The following CCPG1 variants were observed in gnomAD, a reference collection of about 807,000 sequenced individuals.
CCPG1 encodes cell cycle progression protein 1.
Under a neutral mutation model 81.3 loss-of-function variants are expected in CCPG1, and 46 were observed. The observed-to-expected ratio is 0.57, with a 90% CI of 0.45 to 0.72. The LOEUF (loss-of-function observed/expected upper bound fraction) is 0.72, where lower values mean the gene tolerates loss of function less well. CCPG1 is among the 30% of genes least tolerant of loss of function. The probability of loss-of-function intolerance (pLI) is 0.00; values close to 1 mark genes in which losing one functional copy is unlikely to be tolerated. For synonymous variants in CCPG1, 330 were observed against 305.2 expected (o/e 1.08, Z -0.85); for missense variants, 902 against 937.6 (o/e 0.96, Z 0.50).
Position 55,356,222 on chromosome 15 carries a change from A to C in CCPG1, c.2422T>G (p.Ter808GlyextTer7). ...GTCTAATTTAACTCAATTGTGAATC[A>C]GTATTGAGGATCAAAAGGTAATTGC... ...LGQLPFDPQY[*>G] is the part of the protein sequence containing the mutation. Residue 808 changes from the stop codon to glycine, a stop_lost, in exon 9 of 9, where the codon TGA (stop) becomes GGA (glycine). Coordinates refer to ENST00000442196, the MANE Select transcript of CCPG1 (RefSeq NM_001204450.2). 6.5e-7 allele frequency: 1 copy of C among 1,527,854 alleles called. No individual in the cohort carries two copies. Among genetic ancestry groups the C allele is most frequent in the East Asian group, 2.5e-5 (1 of 40,690 alleles). The allele number at this position is 1,527,854 out of a possible 1,614,324, so 94.6% of individuals were successfully genotyped here.
chr15:55,363,705 T>C (rs2056254876), intron 7 of CCPG1, among the ~76,000 whole-genome samples: 2 of 149,624 alleles, frequency 1.3e-5, no homozygotes, highest in South Asian at 4.4e-4. Context: ...TTTCAAGAAA[T>C]ATAACCTGTA....
chr15:55,401,527 C>T (rs2057128529), intron 1 of CCPG1, among the ~76,000 whole-genome samples: 1 of 152,080 alleles, frequency 6.6e-6, no homozygotes, highest in African/African-American at 2.4e-5. Context: ...ATTAGCCAGG[C>T]ATGGTGGCCC....
intron 5 of CCPG1, among the ~76,000 whole-genome samples, chr15:55,374,557 G>T (rs2141275702): frequency 6.6e-6 from 1 of 152,188 alleles, no homozygotes; most frequent in East Asian, 1.9e-4. Context: ...TAAGGATGAA[G>T]AAAGGGAAAG....
chr15:55,379,571 C>T (rs141139391), intron 3 of CCPG1, among the ~76,000 whole-genome samples: 1,693 of 152,116 alleles, frequency 0.011, 13 homozygotes, highest in South Asian at 0.015. Flanking sequence ...GTGGCTCATG[C>T]TTGTAATCCC....
intron 2 of CCPG1, 146 bp downstream of exon 2, chr15:55,389,219 G>C (rs1279981362): frequency 1.6e-6 from 1 of 620,748 alleles, no homozygotes; most frequent in Non-Finnish European, 2.9e-6. Flanking sequence ...AGCGTTTTCA[G>C]CAGTGAAGTT....
At chr15:55,402,497 G>C (rs1016245793) in intron 1 of CCPG1, among the ~76,000 whole-genome samples, 1 of 152,132 alleles carries the variant, frequency 6.6e-6, no homozygotes, top group Non-Finnish European at 1.5e-5. Flanking sequence ...CCAAAGTGCT[G>C]GGATTACAGG....
chr15:55,375,236 T>C (rs1390759030), intron 5 of CCPG1, among the ~76,000 whole-genome samples: 1 of 152,162 alleles, frequency 6.6e-6, no homozygotes, highest in African/African-American at 2.4e-5. Context: ...GAGATGGTGC[T>C]GGGATTACAG....
At chr15:55,385,135 GT>G (rs2141301998) in intron 3 of CCPG1, among the ~76,000 whole-genome samples, 1 of 152,232 alleles carries the variant, frequency 6.6e-6, no homozygotes, top group African/African-American at 2.4e-5. Flanking sequence ...TCTGGGTTCT[GT>G]GGGCCTTCAC....
chr15:55,368,556 A>T (rs2056379801), intron 6 of CCPG1, among the ~76,000 whole-genome samples: 1 of 152,180 alleles, frequency 6.6e-6, no homozygotes, highest in Admixed American at 6.5e-5. Context: ...GAGAAAACCA[A>T]ATCAATTGAA....
chr15:55,386,687 G>A lies in CCPG1; in HGVS notation c.61-973C>T, dbSNP rs190575402. Among the ~76,000 whole-genome samples, 1,106 of 152,154 alleles carry A rather than the reference G, an allele frequency of 7.3e-3. 6 individuals are homozygous for A. The highest frequency in any genetic ancestry group is 0.011 in the Non-Finnish European group (719 of 68,004). On this transcript the variant is annotated intron_variant, in intron 2 of 8. Coordinates refer to ENST00000442196, the MANE Select transcript of CCPG1 (RefSeq NM_001204450.2). ...AGGCGGGCGGATCACGAGGTCAGGA[G>A]ATCGAGACCATCCTGGCTAACACGG... is the stretch of plus-strand genomic sequence containing the variant.
At chr15:55,403,741 T>C (rs1402754360) in intron 1 of CCPG1, among the ~76,000 whole-genome samples, 1 of 152,212 alleles carries the variant, frequency 6.6e-6, no homozygotes, top group Non-Finnish European at 1.5e-5. Context: ...AATGTAATCC[T>C]TTATCACTTA....
At chr15:55,389,804 G>C (rs1395792238) in intron 1 of CCPG1, among the ~76,000 whole-genome samples, 1 of 152,224 alleles carries the variant, frequency 6.6e-6, no homozygotes, top group African/African-American at 2.4e-5. Flanking sequence ...GAACAGTAAG[G>C]TGTGAAAAAC....
intron 1 of CCPG1, among the ~76,000 whole-genome samples, chr15:55,389,942 T>G (rs1566979466): frequency 6.6e-6 from 1 of 152,258 alleles, no homozygotes; most frequent in Non-Finnish European, 1.5e-5. Context: ...GAAACTGTTT[T>G]GAGACGGAGT....
At chr15:55,358,418 G>A in intron 8 of CCPG1, 6 of 985,406 alleles carry the variant, frequency 6.1e-6, no homozygotes, top group Non-Finnish European at 7.2e-6. Context: ...AAATTCTTCA[G>A]AAGTTCTCCA....
chr15:55,355,651 G>C lies in CCPG1; in HGVS notation c.*569C>G, dbSNP rs2056064111. 2.7e-6 allele frequency: 1 copy of C among 367,430 alleles called. No homozygotes were observed. The highest frequency in any genetic ancestry group is 4.8e-6 in the Non-Finnish European group (1 of 207,902). The allele number at this position is 367,430 out of a possible 1,614,324, so 22.8% of individuals were successfully genotyped here. A position where few individuals can be genotyped will look rare whatever the true frequency, so the allele number is the denominator to read the frequency against. On this transcript the variant is annotated 3_prime_UTR_variant, in exon 9 of 9. Coordinates refer to ENST00000442196, the MANE Select transcript of CCPG1 (RefSeq NM_001204450.2). ...ATAAAGACCTTTAGTTTTCCTCATG[G>C]TGTAGTTTTATTGTTTCTTCCACGA...
chr15:55,404,689 T>C (rs187753894), intron 1 of CCPG1, among the ~76,000 whole-genome samples: 2 of 152,302 alleles, frequency 1.3e-5, no homozygotes, highest in East Asian at 3.9e-4. Context: ...TCCAGCACTC[T>C]GGGAGGCTAA....
In CCPG1 at chr15:55,355,375, CAT is replaced by C. The variant is rs769773951; in HGVS notation, c.*843_*844del. 2 of 1,611,352 alleles carry C rather than the reference CAT, an allele frequency of 1.2e-6. No homozygotes were observed. The highest frequency in any genetic ancestry group is 1.3e-5 in the African/African-American group (1 of 74,932). ...TGCCAGAGGGTCGAATTGGAAGTCACATATATGTCTATGAACGGAAGTTAAAA... is the reference window on the plus strand; with the variant it reads ...TGCCAGAGGGTCGAATTGGAAGTCACATATGTCTATGAACGGAAGTTAAAA... On this transcript the variant is annotated 3_prime_UTR_variant, in exon 9 of 9. Transcript: ENST00000442196.
In CCPG1 at chr15:55,355,424, A is replaced by G; in HGVS notation, c.*796T>C. 6.2e-7 allele frequency: 1 copy of G among 1,606,772 alleles called. No individual in the cohort carries two copies. The highest frequency in any genetic ancestry group is 8.5e-7 in the Non-Finnish European group (1 of 1,177,256). The stretch of plus-strand genomic sequence containing the variant: ...AAAAGGGAAATTCAACATGAAGATG[A>G]AATTCTGAACTTTCCTAGATAAATT... On this transcript the variant is annotated 3_prime_UTR_variant, in exon 9 of 9. Transcript: ENST00000442196.
chr15:55,368,717 G>C (rs1355087136), intron 6 of CCPG1, among the ~76,000 whole-genome samples: 2 of 152,228 alleles, frequency 1.3e-5, no homozygotes, highest in Non-Finnish European at 2.9e-5. Context: ...AGTCATGCTA[G>C]CTTTCTCTTC....
Sources: allele counts gnomAD v4.1 joint callset (sites outside exome capture counted in the v4.1 genomes callset), GRCh38; gene constraint gnomAD v4.1.1; transcripts MANE v1.5; gene names NCBI Gene and HGNC (gene_info 2026-07-23, HGNC 2026-07-21).